Variants in PTPN12 observed in about 807,000 individuals in gnomAD.
The protein encoded by PTPN12 is tyrosine-protein phosphatase non-receptor type 12.
Under a neutral mutation model 97.6 loss-of-function variants are expected in PTPN12, and 29 were observed. The observed-to-expected ratio is 0.30, with a 90% CI of 0.22 to 0.41. The LOEUF is 0.41. Ranked by LOEUF, PTPN12 falls within the 10% of genes least tolerant of loss-of-function variation. The probability of loss-of-function intolerance (pLI) is 1.00; values close to 1 mark genes in which losing one functional copy is unlikely to be tolerated. For synonymous variants in PTPN12, 327 were observed against 300.4 expected (o/e 1.09, Z -0.91); for missense variants, 819 against 926.0 (o/e 0.88, Z 1.50).
chr7:77,618,534 TCTC>T lies in PTPN12; in HGVS notation c.1002_1004del (p.Pro335del). On this transcript the variant is annotated inframe_deletion, in exon 12 of 18. Coordinates refer to ENST00000248594, the MANE Select transcript of PTPN12 (RefSeq NM_002835.4). ...CTCCATAGAGCCTGAAAAACAAGAT[TCTC>T]CTCCTCCAAAACCACCAAGGACCCG... 5.0e-6 allele frequency: 8 copies of T among 1,609,102 alleles called. No homozygotes were observed. The highest frequency in any genetic ancestry group is 2.2e-5 in the East Asian group (1 of 44,760).
Position 77,639,249 on chromosome 7 carries a change from G to T in PTPN12, c.2312G>T (p.Gly771Val), listed in dbSNP as rs755018505. ...GGTAATCGATGTGGAAAACCCAAAG[G>T]ACCAAGAGATCCACCTTCAGAATGG... ...GFGNRCGKPKGPRDPPSEWT is the reference protein window; with the variant it reads ...GFGNRCGKPKVPRDPPSEWT The change falls in exon 18 of 18, where the codon GGA becomes GTA. Residue 771 changes from glycine (G) to valine (V), a missense_variant. Coordinates refer to ENST00000248594, the MANE Select transcript of PTPN12 (RefSeq NM_002835.4). 1.2e-6 allele frequency: 2 copies of T among 1,612,768 alleles called. No individual in the cohort carries two copies. Among genetic ancestry groups the T allele is most frequent in the African/African-American group, 2.7e-5 (2 of 74,884 alleles).
At chr7:77,550,875 T>C (rs1393313878) in intron 1 of PTPN12, among the ~76,000 whole-genome samples, 1 of 152,222 alleles carries the variant, frequency 6.6e-6, no homozygotes, top group Non-Finnish European at 1.5e-5. Flanking sequence ...ACTGTTGCCA[T>C]GAGCTTTGCT....
At chr7:77,624,012 G>C (rs1789039903) in intron 12 of PTPN12, among the ~76,000 whole-genome samples, 1 of 152,174 alleles carries the variant, frequency 6.6e-6, no homozygotes, top group Non-Finnish European at 1.5e-5. Context: ...TGTAATCCCA[G>C]CTCTTTGGGA....
intron 12 of PTPN12, among the ~76,000 whole-genome samples, chr7:77,625,514 T>TCA (rs1789128583): frequency 2.8e-5 from 3 of 105,634 alleles, no homozygotes; most frequent in African/African-American, 7.3e-5. Context: ...TCTCTCTCTC[T>TCA]CTCTCTCTCA....
chr7:77,596,171 G>GTTTAGACACTTTTT (rs1191577733), intron 6 of PTPN12, among the ~76,000 whole-genome samples: 2 of 152,052 alleles, frequency 1.3e-5, no homozygotes, highest in African/African-American at 4.8e-5. Flanking sequence ...TAAGTAATTC[G>GTTTAGACACTTTTT]TTTAGACACT....
In PTPN12 at chr7:77,615,068, G is replaced by T. The variant is rs1279891327; in HGVS notation, c.940-3412G>T. Among the ~76,000 whole-genome samples, 3 of 152,156 alleles carry T rather than the reference G, an allele frequency of 2.0e-5. No homozygotes were observed. In the East Asian group the frequency reaches 5.8e-4, roughly 29 times the overall value. On this transcript the variant is annotated intron_variant, in intron 11 of 17. Transcript: ENST00000248594. ...TATCATATTGACTGAGGATTTAGAG[G>T]TACCTTAATAAGCAAACATCTGTTA...
At chr7:77,630,310 G>T (rs569086257) in intron 13 of PTPN12, among the ~76,000 whole-genome samples, 6 of 152,106 alleles carry the variant, frequency 3.9e-5, no homozygotes, top group Non-Finnish European at 8.8e-5. Flanking sequence ...TTTGGTCCTA[G>T]AACTTGTTAG....
chr7:77,637,469 G>T (rs1042367571), intron 16 of PTPN12, among the ~76,000 whole-genome samples: 3 of 152,054 alleles, frequency 2.0e-5, no homozygotes, highest in Admixed American at 6.6e-5. Context: ...GTGAAAGAAT[G>T]AATGAATTTT....
chr7:77,638,665 T>C lies in PTPN12; in HGVS notation c.2215T>C (p.Cys739Arg), dbSNP rs759985120. ...TATTCACTATGAAATGTGCATAGAA[T>C]GTCCACCTACTTTCAGTGACAAGAG... ...GGIHYEMCIE[C>R]PPTFSDKREQ... The change falls in exon 17 of 18, where the codon TGT becomes CGT. Residue 739 changes from cysteine to arginine, a missense_variant. This residue lies in a region of PTPN12 where 607 missense variants were observed against 577.3 expected (regional missense o/e 1.05). Coordinates refer to ENST00000248594, the MANE Select transcript of PTPN12 (RefSeq NM_002835.4). 6.2e-7 allele frequency: 1 copy of C among 1,607,744 alleles called. No homozygotes were observed. The highest frequency in any genetic ancestry group is 8.5e-7 in the Non-Finnish European group (1 of 1,178,014).
Position 77,629,456 on chromosome 7 carries a change from T to A in PTPN12, c.1996+1781T>A, listed in dbSNP as rs962372960. On this transcript the variant is annotated intron_variant, in intron 13 of 17. Coordinates refer to ENST00000248594, the MANE Select transcript of PTPN12 (RefSeq NM_002835.4). Reference sequence around the variant, plus strand: ...AGCTGTAACTATATAAGAAAATATGTAGATAAGAAATTTTCATTTTGAGTT... The same window carrying A: ...AGCTGTAACTATATAAGAAAATATGAAGATAAGAAATTTTCATTTTGAGTT... 5.3e-5 allele frequency among the ~76,000 whole-genome samples: 8 copies of A among 152,138 alleles called. 1 individual carries two copies. The highest frequency in any genetic ancestry group is 5.2e-4 in the Admixed American group (8 of 15,266).
chr7:77,610,498 T>G (rs757230646), intron 9 of PTPN12, among the ~76,000 whole-genome samples: 3 of 152,204 alleles, frequency 2.0e-5, no homozygotes, highest in Non-Finnish European at 4.4e-5. Flanking sequence ...CTGCACACAC[T>G]CAACAGTTAG....
chr7:77,611,785 A>C (rs763847666), intron 11 of PTPN12, among the ~76,000 whole-genome samples: 39 of 152,202 alleles, frequency 2.6e-4, no homozygotes, highest in Non-Finnish European at 4.9e-4. Flanking sequence ...GCAGAATTAA[A>C]GAGCCACAGT....
chr7:77,611,458 T>C (rs140007870), intron 11 of PTPN12, among the ~76,000 whole-genome samples: 2,799 of 152,360 alleles, frequency 0.018, 34 homozygotes, highest in Middle Eastern at 0.071. Context: ...CTTTTCTTTT[T>C]TTTGAGACAG....
chr7:77,559,517 G>A (rs1211437387), intron 1 of PTPN12, among the ~76,000 whole-genome samples: 2 of 152,160 alleles, frequency 1.3e-5, no homozygotes, highest in Non-Finnish European at 2.9e-5. Flanking sequence ...CAAAAAGTGA[G>A]TGTCTTTAGG....
intron 1 of PTPN12, 63 bp from the exon 2 acceptor site, chr7:77,571,015 C>G: frequency 1.8e-6 from 2 of 1,103,186 alleles, no homozygotes. Context: ...CACCAGATTT[C>G]ATTAAAAATT....
chr7:77,548,562 A>C (rs1318570084), intron 1 of PTPN12, among the ~76,000 whole-genome samples: 1 of 152,242 alleles, frequency 6.6e-6, no homozygotes, highest in Non-Finnish European at 1.5e-5. Context: ...GGTTAGACCC[A>C]AGTTAGGAAA....
At chr7:77,583,704 A>G in intron 4 of PTPN12, 54 bp downstream of exon 4, 1 of 1,148,546 alleles carries the variant, frequency 8.7e-7, no homozygotes. Context: ...GTAATAACAT[A>G]GGCTATTTTA....
At chr7:77,624,243 G>C (rs1789050066) in intron 12 of PTPN12, among the ~76,000 whole-genome samples, 1 of 151,610 alleles carries the variant, frequency 6.6e-6, no homozygotes, top group Admixed American at 6.6e-5. Flanking sequence ...CTCCAGCCCA[G>C]GTGGCAGAGC....
intron 1 of PTPN12, among the ~76,000 whole-genome samples, chr7:77,542,525 T>G (rs987428876): frequency 1.3e-5 from 2 of 152,170 alleles, no homozygotes; most frequent in African/African-American, 4.8e-5. Context: ...TGTGAGGGCC[T>G]GAAGTGAACT....
Sources: gnomAD v4.1 joint callset for allele counts (sites outside exome capture counted in the v4.1 genomes callset) on GRCh38, gnomAD v4.1.1 for gene constraint, gnomAD v4.1.1 regional missense constraint, MANE v1.5 for transcripts, NCBI Gene and HGNC (gene_info 2026-07-23, HGNC 2026-07-21) for gene names.